The following GRID2 variants were observed in gnomAD, a reference collection of about 807,000 sequenced individuals.
GRID2 encodes the protein glutamate receptor ionotropic, delta-2.
Under a neutral mutation model 114.8 loss-of-function variants are expected in GRID2, and 33 were observed. That is an observed-to-expected ratio of 0.29 (90% CI 0.22 to 0.38). The LOEUF (loss-of-function observed/expected upper bound fraction) is 0.38. GRID2 is among the 10% of genes least tolerant of loss of function. The pLI is 1.00. For missense variants in GRID2, 1,184 were observed against 1,257.7 expected (o/e 0.94, Z 0.89); for synonymous variants, 505 against 449.9 (o/e 1.12, Z -1.55).
chr4:92,936,933 A>G (rs1367796550), intron 2 of GRID2, among the ~76,000 whole-genome samples: 3 of 146,710 alleles, frequency 2.0e-5, no homozygotes, highest in Non-Finnish European at 3.0e-5. Context: ...CCTAATGACT[A>G]ATTATGTTGA....
At chr4:92,987,762 A>AG (rs1445023838) in intron 2 of GRID2, among the ~76,000 whole-genome samples, 27 of 96,836 alleles carry the variant, frequency 2.8e-4, no homozygotes, top group African/African-American at 1.5e-3. Flanking sequence ...GAATATTAAA[A>AG]CAAAAAATAT....
chr4:93,073,630 A>T (rs113170388), intron 2 of GRID2, among the ~76,000 whole-genome samples: 2,205 of 152,182 alleles, frequency 0.014, 57 homozygotes, highest in African/African-American at 0.051. Context: ...CTTTATCCCT[A>T]GAAAGTAAAA....
intron 2 of GRID2, among the ~76,000 whole-genome samples, chr4:92,795,536 C>A (rs1183118367): frequency 6.6e-6 from 1 of 151,940 alleles, no homozygotes; most frequent in Non-Finnish European, 1.5e-5. Flanking sequence ...CAGGCACATT[C>A]AGTGTAACTT....
chr4:92,310,281 G>A (rs1382132018), intron 1 of GRID2, among the ~76,000 whole-genome samples: 3 of 151,930 alleles, frequency 2.0e-5, no homozygotes, highest in Admixed American at 6.6e-5. Context: ...AAGAATAATG[G>A]AGGATGAAAT....
intron 2 of GRID2, among the ~76,000 whole-genome samples, chr4:92,738,151 T>C (rs542977991): frequency 6.6e-6 from 1 of 152,178 alleles, no homozygotes; most frequent in Non-Finnish European, 1.5e-5. Flanking sequence ...ATTGTGGTTT[T>C]GATTTGCATT....
chr4:92,976,624 A>G (rs1027089498), intron 2 of GRID2, among the ~76,000 whole-genome samples: 2 of 152,134 alleles, frequency 1.3e-5, no homozygotes, highest in Admixed American at 1.3e-4. Context: ...CAGAGACTAC[A>G]AGGCAATTTA....
At chr4:93,771,987 T>C in intron 15 of GRID2, 89 bp from the exon 16 acceptor site, 1 of 745,864 alleles carries the variant, frequency 1.3e-6, no homozygotes, top group Non-Finnish European at 2.3e-6. Context: ...AAAGTTCAGT[T>C]AATTACATGT....
chr4:93,626,494 T>A, intron 14 of GRID2, 59 bp downstream of exon 14: 1 of 1,114,036 alleles, frequency 9.0e-7, no homozygotes, highest in Non-Finnish European at 1.3e-6. Flanking sequence ...AGAATATCCA[T>A]TTGGTTACCA....
intron 4 of GRID2, among the ~76,000 whole-genome samples, chr4:93,111,702 A>AT (rs1732777921): frequency 6.7e-6 from 1 of 149,888 alleles, no homozygotes; most frequent in African/African-American, 2.5e-5. Context: ...TTCACATGGA[A>AT]TTTTTAAAAA....
intron 2 of GRID2, among the ~76,000 whole-genome samples, chr4:92,854,706 A>G (rs1220666772): frequency 6.6e-6 from 1 of 152,026 alleles, no homozygotes; most frequent in Non-Finnish European, 1.5e-5. Context: ...GAACAAGTGC[A>G]GGATAATATA....
intron 7 of GRID2, among the ~76,000 whole-genome samples, chr4:93,235,815 G>A (rs559542077): frequency 2.6e-5 from 4 of 152,180 alleles, no homozygotes; most frequent in African/African-American, 7.2e-5. Flanking sequence ...TTCAGTGGAA[G>A]ATAAAGTAAA....
chr4:92,588,529 A>AG (rs762139142), intron 1 of GRID2, among the ~76,000 whole-genome samples: 1 of 151,350 alleles, frequency 6.6e-6, no homozygotes, highest in Non-Finnish European at 1.5e-5. Flanking sequence ...ACAAAAAAAA[A>AG]TTAGCTGGGC....
intron 1 of GRID2, among the ~76,000 whole-genome samples, chr4:92,530,508 G>GGAAAAA (rs71579565): frequency 9.3e-6 from 1 of 107,214 alleles, no homozygotes; most frequent in African/African-American, 3.4e-5. Flanking sequence ...GACTAGTACA[G>GGAAAAA]AAAAAAAAAA....
intron 2 of GRID2, among the ~76,000 whole-genome samples, chr4:92,673,461 C>T (rs1240186644): frequency 2.0e-5 from 3 of 152,144 alleles, no homozygotes; most frequent in Non-Finnish European, 4.4e-5. Context: ...TTTAACATAT[C>T]AACCATGCTC....
At position 92,747,417 on chromosome 4, in the gene GRID2, A is replaced by G. The variant is rs116732692; in HGVS notation, c.244+157131A>G. Among the ~76,000 whole-genome samples, 1,028 of 152,224 alleles carry G rather than the reference A, an allele frequency of 6.8e-3. 4 individuals carry two copies. Among genetic ancestry groups the G allele is most frequent in the Non-Finnish European group, 0.012 (788 of 67,968 alleles). On this transcript the variant is annotated intron_variant, in intron 2 of 15. Coordinates refer to ENST00000282020, the MANE Select transcript of GRID2 (RefSeq NM_001510.4). ...TAAAAGCTTAAGGCATTTGCCTTAAATTTCAGAAGTAAAAGTAAAAGATGC... is the reference window on the plus strand; with the variant it reads ...TAAAAGCTTAAGGCATTTGCCTTAAGTTTCAGAAGTAAAAGTAAAAGATGC...
At chr4:93,196,091 C>T (rs1045186107) in intron 4 of GRID2, among the ~76,000 whole-genome samples, 2 of 152,168 alleles carry the variant, frequency 1.3e-5, no homozygotes, top group African/African-American at 2.4e-5. Flanking sequence ...GTAGTTTATA[C>T]TTCATCCTAG....
chr4:93,240,767 T>A (rs1019636009), intron 8 of GRID2, among the ~76,000 whole-genome samples: 12 of 151,332 alleles, frequency 7.9e-5, no homozygotes, highest in East Asian at 5.8e-4. Context: ...AGTTTTTTTT[T>A]TATATATATA....
chr4:92,354,204 C>T (rs1328712386), intron 1 of GRID2, among the ~76,000 whole-genome samples: 1 of 152,022 alleles, frequency 6.6e-6, no homozygotes, highest in Non-Finnish European at 1.5e-5. Context: ...ACCCAACCAT[C>T]AATGAGTGGG....
chr4:93,560,222 TAAAAAAAAAAAAA>T lies in GRID2; in HGVS notation c.2193+44830_2193+44842del, dbSNP rs70942974. Among the ~76,000 whole-genome samples, 27 of 42,958 alleles carry T rather than the reference TAAAAAAAAAAAAA, an allele frequency of 6.3e-4. No individual in the cohort carries two copies. In the South Asian group the frequency reaches 0.022, roughly 36 times the overall value. 28.2% of individuals were successfully genotyped at this position (42,958 alleles called of 152,430 possible). A position where few individuals can be genotyped will look rare whatever the true frequency, so the allele number is the denominator to read the frequency against. Reference sequence around the variant, plus strand: ...TACGCATGTATTCCAGAACTTAAAGTAAAAAAAAAAAAAAAAAAAAAAAAAAAAAAACAGAAAG... The same window carrying T: ...TACGCATGTATTCCAGAACTTAAAGTAAAAAAAAAAAAAAAAAACAGAAAG... On this transcript the variant is annotated intron_variant, in intron 13 of 15. Transcript: ENST00000282020.
Sources: gnomAD v4.1 joint callset for allele counts (sites outside exome capture counted in the v4.1 genomes callset) on GRCh38, gnomAD v4.1.1 for gene constraint, MANE v1.5 for transcripts, NCBI Gene and HGNC (gene_info 2026-07-23, HGNC 2026-07-21) for gene names.